The following USP25 variants were observed in gnomAD, a reference collection of about 807,000 sequenced individuals.
USP25 encodes ubiquitin carboxyl-terminal hydrolase 25.
A neutral mutation model predicts 158.5 loss-of-function variants in USP25; 85 were observed. The observed-to-expected ratio is 0.54, with a 90% CI of 0.45 to 0.64. The LOEUF (loss-of-function observed/expected upper bound fraction) is 0.64. Ranked by LOEUF, USP25 falls within the 30% of genes least tolerant of loss-of-function variation. USP25 has a pLI of 0.00. For synonymous variants in USP25, 464 were observed against 460.4 expected (o/e 1.01, Z -0.10); for missense variants, 1,242 against 1,327.3 (o/e 0.94, Z 1.00).
chr21:15,805,514 A>C (rs2036338475), intron 7 of USP25: 2 of 266,090 alleles, frequency 7.5e-6, no homozygotes, highest in Admixed American at 5.3e-5. Flanking sequence ...ATACATAATT[A>C]AACATGTTCA....
chr21:15,834,576 A>G (rs967296493), intron 17 of USP25, among the ~76,000 whole-genome samples: 1 of 152,148 alleles, frequency 6.6e-6, no homozygotes, highest in East Asian at 1.9e-4. Context: ...TTTGAACTTT[A>G]GAAGGAATTA....
Position 15,730,403 on chromosome 21 carries a change from G to T in USP25, c.10G>T (p.Glu4Ter). MTV[E>*]QNVLQQSAAQ... Reference sequence around the variant, plus strand: ...CGCCGCCGCGGGGGCCATGACCGTGGAGCAGAACGTGCTGCAGCAGAGCGC... The same window carrying T: ...CGCCGCCGCGGGGGCCATGACCGTGTAGCAGAACGTGCTGCAGCAGAGCGC... The change falls in exon 1 of 26, where the codon GAG (glutamate) becomes TAG (stop). Residue 4 changes from glutamate (E) to a stop codon, truncating the protein, a stop_gained. Transcript: ENST00000400183. LOFTEE classifies it high-confidence loss of function. 2.2e-6 allele frequency: 3 copies of T among 1,337,828 alleles called. No individual in the cohort carries two copies. Among genetic ancestry groups the T allele is most frequent in the Non-Finnish European group, 2.9e-6 (3 of 1,036,184 alleles). 82.9% of individuals were successfully genotyped at this position (1,337,828 alleles called of 1,614,324 possible).
chr21:15,865,606 G>A (rs183436042), intron 21 of USP25, among the ~76,000 whole-genome samples: 81 of 152,238 alleles, frequency 5.3e-4, no homozygotes, highest in African/African-American at 1.8e-3. Flanking sequence ...TGTGACCCTC[G>A]TTATCTGTGC....
At chr21:15,738,728 G>T (rs943877449) in intron 1 of USP25, among the ~76,000 whole-genome samples, 2 of 152,020 alleles carry the variant, frequency 1.3e-5, no homozygotes, top group Admixed American at 6.6e-5. Context: ...TGCCCTCAAA[G>T]AAAGAAAAAG....
At chr21:15,767,010 A>G (rs1185651894) in intron 3 of USP25, among the ~76,000 whole-genome samples, 1 of 152,038 alleles carries the variant, frequency 6.6e-6, no homozygotes, top group African/African-American at 2.4e-5. Context: ...CATTTTTGCT[A>G]CATAGATGAT....
intron 12 of USP25, among the ~76,000 whole-genome samples, chr21:15,825,451 C>T (rs1342299904): frequency 1.3e-5 from 2 of 152,116 alleles, no homozygotes; most frequent in South Asian, 2.1e-4. Flanking sequence ...TCAGCAGCTT[C>T]GTAAAGGAGG....
chr21:15,857,511 A>T (rs1274752693), intron 20 of USP25, among the ~76,000 whole-genome samples: 1 of 152,096 alleles, frequency 6.6e-6, no homozygotes, highest in Admixed American at 6.5e-5. Flanking sequence ...GATCTTTGTG[A>T]GGGTCAGTTT....
At chr21:15,781,926 C>CA (rs2034988258) in intron 4 of USP25, among the ~76,000 whole-genome samples, 1 of 152,176 alleles carries the variant, frequency 6.6e-6, no homozygotes, top group African/African-American at 2.4e-5. Flanking sequence ...TAAGGGATGA[C>CA]ACAACTGTGA....
intron 10 of USP25, 146 bp from the exon 11 acceptor site, chr21:15,823,893 A>T: frequency 4.1e-6 from 3 of 728,498 alleles, no homozygotes; most frequent in African/African-American, 1.8e-5. Context: ...GTTGAGTTTT[A>T]ACTAAACTGT....
chr21:15,765,754 A>G (rs1466500570), intron 2 of USP25, among the ~76,000 whole-genome samples: 1 of 152,086 alleles, frequency 6.6e-6, no homozygotes, highest in African/African-American at 2.4e-5. Flanking sequence ...AGTAATGAAG[A>G]CTAAGAAATT....
intron 5 of USP25, chr21:15,799,546 T>C (rs907039021): frequency 2.7e-6 from 1 of 366,612 alleles, no homozygotes; most frequent in Non-Finnish European, 5.0e-6. Flanking sequence ...TGTCCAAATA[T>C]AATCTTGTGC....
At chr21:15,864,485 C>CTT in intron 21 of USP25, 39 bp downstream of exon 21, 66 of 1,175,026 alleles carry the variant, frequency 5.6e-5, no homozygotes, top group South Asian at 2.3e-4. Flanking sequence ...TCAAATCGTT[C>CTT]TTTTTTTTTT....
intron 16 of USP25, 54 bp from the exon 17 acceptor site, chr21:15,833,294 G>A (rs1381778630): frequency 6.5e-7 from 1 of 1,531,446 alleles, no homozygotes; most frequent in Non-Finnish European, 8.9e-7. Flanking sequence ...TTTGAGCTTT[G>A]CATTTTCCCT....
chr21:15,762,393 G>A (rs1032111921), intron 1 of USP25, among the ~76,000 whole-genome samples: 80 of 152,172 alleles, frequency 5.3e-4, no homozygotes, highest in African/African-American at 1.8e-3. Context: ...AGCAAATGGG[G>A]GCAAATGATC....
chr21:15,878,102 A>C (rs1235544951), intron 25 of USP25, 111 bp downstream of exon 25: 3 of 1,035,392 alleles, frequency 2.9e-6, no homozygotes, highest in African/African-American at 3.3e-5. Context: ...ATTAAGTATT[A>C]ATATTTTCAC....
intron 18 of USP25, among the ~76,000 whole-genome samples, chr21:15,846,604 C>A (rs954673328): frequency 6.6e-6 from 1 of 152,030 alleles, no homozygotes; most frequent in Admixed American, 6.6e-5. Flanking sequence ...ACCCATATTT[C>A]TAATGGAAAT....
intron 22 of USP25, among the ~76,000 whole-genome samples, chr21:15,867,960 G>A (rs2039728981): frequency 6.6e-6 from 1 of 152,100 alleles, no homozygotes; most frequent in African/African-American, 2.4e-5. Flanking sequence ...AGTGCAGGCT[G>A]TATGAAAATT....
chr21:15,774,476 A>C lies in USP25; in HGVS notation c.269-3428A>C, dbSNP rs2034528043. Among the ~76,000 whole-genome samples the C allele has an allele frequency of 3.3e-5, 5 of 152,168 alleles. No individual in the cohort carries two copies. The South Asian group carries it at 1.0e-3, about 31-fold the overall frequency. ...CAACAGATACATTTGTTTTCCTTAA[A>C]GCAACAGGCTCACTTTTTTTTTTCC... On this transcript the variant is annotated intron_variant, in intron 3 of 25. Transcript: ENST00000400183.
In USP25 at chr21:15,820,139, T is replaced by C. The variant is rs116539122; in HGVS notation, c.1080+1293T>C. On this transcript the variant is annotated intron_variant, in intron 10 of 25. Transcript: ENST00000400183. The stretch of plus-strand genomic sequence containing the variant: ...AACAGATCTCTTAAGAGTGGGACTT[T>C]ACCAGTATCCCACAATGGAATAAGA... Among the ~76,000 whole-genome samples, 830 of 152,198 alleles carry C rather than the reference T, an allele frequency of 5.5e-3. 9 individuals carry two copies. Among genetic ancestry groups the C allele is most frequent in the African/African-American group, 0.018 (746 of 41,566 alleles).
Sources: allele counts gnomAD v4.1 joint callset (sites outside exome capture counted in the v4.1 genomes callset), GRCh38; gene constraint gnomAD v4.1.1; transcripts MANE v1.5; gene names NCBI Gene and HGNC (gene_info 2026-07-23, HGNC 2026-07-21).